The following MGME1 variants were observed in gnomAD, a reference collection of about 807,000 sequenced individuals.
MGME1 encodes the protein mitochondrial genome maintenance exonuclease 1.
MGME1 carries 22 observed loss-of-function variants against 33.0 expected under a neutral mutation model. The ratio of observed to expected loss-of-function variants is 0.67; its 90% CI spans 0.48 to 0.95. The LOEUF (loss-of-function observed/expected upper bound fraction) is 0.95. MGME1 is among the 40% of genes least tolerant of loss of function. The pLI is 0.00. For synonymous variants in MGME1, 133 were observed against 144.0 expected (o/e 0.92, Z 0.55); for missense variants, 383 against 397.8 (o/e 0.96, Z 0.32).
rs113875905 is a variant in MGME1 at position 17,969,421 on chromosome 20, C to T, written c.-60+280C>T. Among the ~76,000 whole-genome samples the T allele has an allele frequency of 1.6e-3, 238 of 152,334 alleles. 2 individuals carry two copies. The highest frequency in any genetic ancestry group is 5.3e-3 in the African/African-American group (221 of 41,572). On this transcript the variant is annotated intron_variant, in intron 1 of 4. Coordinates refer to ENST00000377710, the MANE Select transcript of MGME1 (RefSeq NM_052865.4). The stretch of plus-strand genomic sequence containing the variant: ...GAGGACCAAATGAGAAGTATCCACA[C>T]AGAATACTTAGCAGAGAGCCTGGTG...
upstream of MGME1, chr20:17,968,769 T>A (rs548223667): frequency 2.9e-4 from 97 of 334,720 alleles, no homozygotes; most frequent in Admixed American, 1.1e-3. Flanking sequence ...ACGGACACTC[T>A]CCCAGCAAGA....
At chr20:17,989,130 A>G (rs1271496353) in intron 4 of MGME1, among the ~76,000 whole-genome samples, 4 of 149,530 alleles carry the variant, frequency 2.7e-5, no homozygotes, top group Non-Finnish European at 4.4e-5. Context: ...CCAAGCCTAT[A>G]ATTCCAGCAC....
In MGME1 at chr20:17,989,995, T is replaced by G; in HGVS notation, c.921T>G (p.His307Gln). ...AYKDGSPAHPHFMDAELCSQY... is the reference protein window; with the variant it reads ...AYKDGSPAHPQFMDAELCSQY... ...AAGATGGATCACCTGCCCACCCACA[T>G]TTCATGGATGCAGAGCTCTGTTCCC... The change falls in exon 5 of 5, where the codon CAT becomes CAG. Residue 307 changes from histidine (H) to glutamine (Q), a missense_variant. Physicochemically the swap from His to Gln is conservative, Grantham distance 24 (BLOSUM62 0). Transcript: ENST00000377710. The G allele has an allele frequency of 6.2e-7, 1 of 1,614,192 alleles. No individual in the cohort carries two copies. Among genetic ancestry groups the G allele is most frequent in the Non-Finnish European group, 8.5e-7 (1 of 1,180,018 alleles).
intron 3 of MGME1, among the ~76,000 whole-genome samples, chr20:17,978,413 C>G (rs2035922719): frequency 6.6e-6 from 1 of 152,082 alleles, no homozygotes; most frequent in African/African-American, 2.4e-5. Context: ...CCATGTTGGC[C>G]AGGCTGGTCT....
Position 17,990,731 on chromosome 20 carries a change from C to A in MGME1, c.*622C>A, listed in dbSNP as rs1219206642. The A allele has an allele frequency of 6.6e-6, 1 of 152,294 alleles. No individual in the cohort carries two copies. Among genetic ancestry groups the A allele is most frequent in the East Asian group, 1.9e-4 (1 of 5,204 alleles). 9.4% of individuals were successfully genotyped at this position (152,294 alleles called of 1,614,324 possible). On this transcript the variant is annotated 3_prime_UTR_variant, in exon 5 of 5. Coordinates refer to ENST00000377710, the MANE Select transcript of MGME1 (RefSeq NM_052865.4). ...GACAGTATATTCACCATGTCGCTGG[C>A]AATATGTCATTGCGTAACACCAAAT... is the stretch of plus-strand genomic sequence containing the variant.
rs1555791108 is a variant in MGME1, at chr20:17,983,267, T to TGTGTG, written c.732-4899_732-4898insGTGTG. Among the ~76,000 whole-genome samples, 271 of 142,688 alleles carry TGTGTG rather than the reference T, an allele frequency of 1.9e-3. 1 individual carries two copies. The highest frequency in any genetic ancestry group is 6.8e-3 in the African/African-American group (261 of 38,220). The allele number at this position is 142,688 out of a possible 152,430, so 93.6% of individuals were successfully genotyped here. ...TTTTTAAAGGCTATGTAGTGTTCTA[T>TGTGTG]TGTGTGTGTGTGTGTGTGTGTGTGT... On this transcript the variant is annotated intron_variant, in intron 3 of 4. Coordinates refer to ENST00000377710, the MANE Select transcript of MGME1 (RefSeq NM_052865.4).
At chr20:17,987,776 T>C (rs145810919) in intron 3 of MGME1, among the ~76,000 whole-genome samples, 98 of 152,232 alleles carry the variant, frequency 6.4e-4, no homozygotes, top group African/African-American at 2.0e-3. Flanking sequence ...ACCGATAGAG[T>C]CCTTTGAGAG....
chr20:17,986,401 G>C (rs1345484789), intron 3 of MGME1, among the ~76,000 whole-genome samples: 1 of 150,154 alleles, frequency 6.7e-6, no homozygotes, highest in Non-Finnish European at 1.5e-5. Flanking sequence ...CCTGAGACAG[G>C]GTCTGGCTTT....
chr20:17,969,172 AT>A (rs2035640975), intron 1 of MGME1, 31 bp downstream of exon 1: 1 of 152,130 alleles, frequency 6.6e-6, no homozygotes, highest in Non-Finnish European at 1.5e-5. Flanking sequence ...CTGGGCTTTT[AT>A]TTAAGTCGTC....
chr20:17,971,937 A>T (rs539650782), intron 2 of MGME1, among the ~76,000 whole-genome samples: 1 of 152,194 alleles, frequency 6.6e-6, no homozygotes, highest in Non-Finnish European at 1.5e-5. Context: ...GGGTCTCCCT[A>T]TGTTGCCCAG....
At chr20:17,987,554 AT>A (rs562215299) in intron 3 of MGME1, among the ~76,000 whole-genome samples, 13 of 150,140 alleles carry the variant, frequency 8.7e-5, no homozygotes, top group Admixed American at 2.7e-4. Flanking sequence ...TTTCAGCTGT[AT>A]TTTTTTTTTC....
chr20:17,990,555 A>G lies in MGME1; in HGVS notation c.*446A>G. 1 of 187,582 alleles carries G rather than the reference A, an allele frequency of 5.3e-6. No homozygotes were observed. The highest frequency in any genetic ancestry group is 5.9e-5 in the Admixed American group (1 of 17,090). The allele number at this position is 187,582 out of a possible 1,614,324, so 11.6% of individuals were successfully genotyped here. On this transcript the variant is annotated 3_prime_UTR_variant, in exon 5 of 5. Transcript: ENST00000377710. ...GCCCCCAGCTGTGTGCAGGGAGGACACATCAGCCCACTACCGCTGCCAACA... is the reference window on the plus strand; with the variant it reads ...GCCCCCAGCTGTGTGCAGGGAGGACGCATCAGCCCACTACCGCTGCCAACA...
At chr20:17,974,061 G>GTTTTTTTTTTTTTT (rs34206000) in intron 2 of MGME1, among the ~76,000 whole-genome samples, 1 of 85,472 alleles carries the variant, frequency 1.2e-5, no homozygotes, top group Non-Finnish European at 2.4e-5. Flanking sequence ...CTCTTTGTGT[G>GTTTTTTTTTTTTTT]TTTTTTTTTT....
intron 3 of MGME1, among the ~76,000 whole-genome samples, chr20:17,981,075 C>T (rs987356159): frequency 6.6e-6 from 1 of 152,084 alleles, no homozygotes; most frequent in Non-Finnish European, 1.5e-5. Context: ...CTGCCTTCTA[C>T]GCTCTTTTTT....
Position 17,990,045 on chromosome 20 carries a change from G to A in MGME1, c.971G>A (p.Arg324Gln), listed in dbSNP as rs373358887. 6.9e-5 allele frequency: 112 copies of A among 1,613,506 alleles called. No individual in the cohort carries two copies. The highest frequency in any genetic ancestry group is 8.8e-5 in the Non-Finnish European group (104 of 1,179,680). The change falls in exon 5 of 5, where the codon CGA becomes CAA. Residue 324 changes from arginine to glutamine, a missense_variant. By Grantham distance (43) the Arg-to-Gln change is conservative. Coordinates refer to ENST00000377710, the MANE Select transcript of MGME1 (RefSeq NM_052865.4). ...CAGTACTGGACCAAGTGGCTTCTTC[G>A]ACTAGAAGAATATACGGAAAAGAAA... ...CSQYWTKWLL[R>Q]LEEYTEKKKN...
In MGME1 at chr20:17,990,382, G is replaced by A. The variant is rs1027306585; in HGVS notation, c.*273G>A. On this transcript the variant is annotated 3_prime_UTR_variant, in exon 5 of 5. Coordinates refer to ENST00000377710, the MANE Select transcript of MGME1 (RefSeq NM_052865.4). The stretch of plus-strand genomic sequence containing the variant: ...ACACGCAGGATGGGCAGTCATGCTG[G>A]TGACTCTTGTACTCCCTTGAGGGAC... 5.8e-6 allele frequency: 2 copies of A among 346,652 alleles called. No homozygotes were observed. Among genetic ancestry groups the A allele is most frequent in the Non-Finnish European group, 1.1e-5 (2 of 185,888 alleles). The allele number at this position is 346,652 out of a possible 1,614,324, so 21.5% of individuals were successfully genotyped here.
At chr20:17,969,205 G>A (rs2078052598) in intron 1 of MGME1, 64 bp downstream of exon 1, 3 of 152,286 alleles carry the variant, frequency 2.0e-5, no homozygotes, top group African/African-American at 4.8e-5. Context: ...CCAGACTCCT[G>A]CCACAGGGGC....
At chr20:17,985,681 T>A (rs1405925864) in intron 3 of MGME1, among the ~76,000 whole-genome samples, 1 of 152,138 alleles carries the variant, frequency 6.6e-6, no homozygotes, top group African/African-American at 2.4e-5. Flanking sequence ...GTTTTTTATC[T>A]TTTATACCAC....
intron 2 of MGME1, among the ~76,000 whole-genome samples, chr20:17,975,046 T>G (rs117058093): frequency 0.019 from 2,922 of 152,298 alleles, 39 homozygotes; most frequent in Non-Finnish European, 0.028. Context: ...GTTAACTTAT[T>G]ACATTGGATA....
Sources: allele counts gnomAD v4.1 joint callset (sites outside exome capture counted in the v4.1 genomes callset), GRCh38; gene constraint gnomAD v4.1.1; transcripts MANE v1.5; gene names NCBI Gene and HGNC (gene_info 2026-07-23, HGNC 2026-07-21).